Variants in EGFR observed in about 807,000 individuals in gnomAD.
EGFR encodes epidermal growth factor receptor, also known as avian erythroblastic leukemia viral (v-erb-b) oncogene homolog.
In EGFR, 58 loss-of-function variants were observed where a neutral mutation model predicts 143.0. That is an observed-to-expected ratio of 0.41 (90% CI 0.33 to 0.50). EGFR has a LOEUF of 0.50. EGFR is among the 20% of genes least tolerant of loss of function. The probability of loss-of-function intolerance (pLI) is 0.39; values close to 1 mark genes in which losing one functional copy is unlikely to be tolerated. For missense variants in EGFR, 1,307 were observed against 1,579.0 expected (o/e 0.83, Z 2.92); for synonymous variants, 613 against 594.4 (o/e 1.03, Z -0.45).
rs115398861 is a variant in EGFR at position 55,099,352 on chromosome 7, T to G, written c.89-42934T>G. On this transcript the variant is annotated intron_variant, in intron 1 of 27. Transcript: ENST00000275493. ...TATTTTAGACCATGAGATGGGTGAGTTTTTCTTTTTAATGCCACATTCTTT... is the reference window on the plus strand; with the variant it reads ...TATTTTAGACCATGAGATGGGTGAGGTTTTCTTTTTAATGCCACATTCTTT... 8.0e-3 allele frequency among the ~76,000 whole-genome samples: 1,214 copies of G among 152,034 alleles called. 21 individuals carry two copies. Among genetic ancestry groups the G allele is most frequent in the African/African-American group, 0.027 (1,108 of 41,460 alleles).
chr7:55,079,458 C>G (rs2128889037), intron 1 of EGFR, among the ~76,000 whole-genome samples: 1 of 152,316 alleles, frequency 6.6e-6, no homozygotes, highest in African/African-American at 2.4e-5. Context: ...TTTGTTTCTC[C>G]CAAATACGTG....
Position 55,192,803 on chromosome 7 carries a change from A to G in EGFR, c.2663A>G (p.His888Arg), listed in dbSNP as rs748000023. 2 of 1,614,216 alleles carry G rather than the reference A, an allele frequency of 1.2e-6. No individual in the cohort carries two copies. Among genetic ancestry groups the G allele is most frequent in the South Asian group, 1.1e-5 (1 of 91,082 alleles). Residue 888 changes from histidine to arginine, a missense_variant, in exon 22 of 28, where the codon CAC (histidine) becomes CGC (arginine). Physicochemically the swap from His to Arg is conservative, Grantham distance 29. Coordinates refer to ENST00000275493, the MANE Select transcript of EGFR (RefSeq NM_005228.5). ...IKWMALESIL[H>R]RIYTHQSDVW... ...TGGATGGCATTGGAATCAATTTTAC[A>G]CAGAATCTATACCCACCAGAGTGAT...
At chr7:55,058,791 A>G (rs1788989546) in intron 1 of EGFR, among the ~76,000 whole-genome samples, 1 of 152,196 alleles carries the variant, frequency 6.6e-6, no homozygotes, top group African/African-American at 2.4e-5. Flanking sequence ...CTATGACACA[A>G]GTTTACCTGT....
intron 26 of EGFR, 31 bp from the exon 27 acceptor site, chr7:55,202,486 C>G (rs201383738): frequency 1.9e-6 from 3 of 1,557,418 alleles, no homozygotes; most frequent in Non-Finnish European, 1.8e-6. Flanking sequence ...CAGCCCTGAC[C>G]GGAGTAACCT....
chr7:55,086,731 G>T (rs111773634), intron 1 of EGFR, among the ~76,000 whole-genome samples: 2 of 152,332 alleles, frequency 1.3e-5, no homozygotes, highest in African/African-American at 4.8e-5. Context: ...GCTGTGATGT[G>T]GCGGCAGCTG....
chr7:55,172,912 G>A (rs747870831), intron 16 of EGFR, 71 bp from the exon 17 acceptor site: 12 of 1,613,366 alleles, frequency 7.4e-6, no homozygotes, highest in African/African-American at 1.3e-5. Flanking sequence ...ACATGCAGGG[G>A]CGTGTTGAGT....
rs562228396 is a variant in EGFR at position 55,107,240 on chromosome 7, T to C, written c.89-35046T>C. The stretch of plus-strand genomic sequence containing the variant: ...TTGCCTTCTTTCCCTCCCCAGTTTT[T>C]TTCTTCCTGATAGTAGGTGTGTACT... On this transcript the variant is annotated intron_variant, in intron 1 of 27. Coordinates refer to ENST00000275493, the MANE Select transcript of EGFR (RefSeq NM_005228.5). 9.2e-5 allele frequency among the ~76,000 whole-genome samples: 14 copies of C among 152,334 alleles called. No individual in the cohort carries two copies. The South Asian group carries it at 2.7e-3, about 29-fold the overall frequency.
At position 55,163,805 on chromosome 7, in the gene EGFR, C is replaced by A. The variant is rs1228970909; in HGVS notation, c.1704C>A (p.Asn568Lys). The change falls in exon 14 of 28, where the codon AAC (asparagine) becomes AAA (lysine). Residue 568 changes from asparagine (N) to lysine (K), a missense_variant. By Grantham distance (94) the Asn-to-Lys change is moderately conservative. Coordinates refer to ENST00000275493, the MANE Select transcript of EGFR (RefSeq NM_005228.5). ...CHPECLPQAM[N>K]ITCTGRGPDN... is the part of the protein sequence containing the mutation. ...CAGAGTGCCTGCCTCAGGCCATGAA[C>A]ATCACCTGCACAGGACGGGTAAGAG... 6.2e-7 allele frequency: 1 copy of A among 1,614,130 alleles called. No homozygotes were observed. The highest frequency in any genetic ancestry group is 8.5e-7 in the Non-Finnish European group (1 of 1,180,046).
intron 1 of EGFR, among the ~76,000 whole-genome samples, chr7:55,053,585 T>G (rs1268988012): frequency 6.6e-6 from 1 of 152,240 alleles, no homozygotes; most frequent in East Asian, 1.9e-4. Flanking sequence ...GCCTGTTTCA[T>G]GAGAGCTGAG....
intron 19 of EGFR, among the ~76,000 whole-genome samples, chr7:55,176,182 C>G (rs1262738990): frequency 2.0e-5 from 3 of 152,114 alleles, no homozygotes. Context: ...TTTATTCATT[C>G]AACACATTCT....
intron 19 of EGFR, chr7:55,180,539 C>A (rs1413872827): frequency 6.5e-6 from 1 of 152,730 alleles, no homozygotes; most frequent in Non-Finnish European, 1.5e-5. Flanking sequence ...CCTGGGGGCA[C>A]AGCACAGAGA....
At chr7:55,038,118 G>T (rs148632691) in intron 1 of EGFR, among the ~76,000 whole-genome samples, 3 of 152,182 alleles carry the variant, frequency 2.0e-5, no homozygotes, top group Non-Finnish European at 4.4e-5. Flanking sequence ...TAGGAAAGCG[G>T]GGGGGTGGAG....
intron 1 of EGFR, among the ~76,000 whole-genome samples, chr7:55,085,431 G>A (rs1225039055): frequency 2.6e-5 from 4 of 152,236 alleles, no homozygotes; most frequent in Admixed American, 2.0e-4. Flanking sequence ...AGAGAGCAGG[G>A]TGGGCGTCAG....
intron 2 of EGFR, among the ~76,000 whole-genome samples, 156 bp downstream of exon 2, chr7:55,142,593 ACCAG>A (rs1251264228): frequency 6.6e-6 from 1 of 152,236 alleles, no homozygotes; most frequent in African/African-American, 2.4e-5. Flanking sequence ...AAGCCATTTT[ACCAG>A]CTAATGTCAA....
chr7:55,117,124 C>T (rs1792905562), intron 1 of EGFR, among the ~76,000 whole-genome samples: 1 of 152,240 alleles, frequency 6.6e-6, no homozygotes, highest in African/African-American at 2.4e-5. Context: ...TAGAAAACAT[C>T]TCCTAATTGC....
At chr7:55,053,686 A>G (rs1788619320) in intron 1 of EGFR, among the ~76,000 whole-genome samples, 1 of 152,242 alleles carries the variant, frequency 6.6e-6, no homozygotes, top group Non-Finnish European at 1.5e-5. Context: ...AGGCTGGTGA[A>G]TCCGAGGCTT....
Position 55,206,299 on chromosome 7 carries a change from C to G in EGFR, c.*682C>G, listed in dbSNP as rs372331538. The G allele has an allele frequency of 4.3e-6, 1 of 235,094 alleles. No individual in the cohort carries two copies. The highest frequency in any genetic ancestry group is 6.0e-5 in the East Asian group (1 of 16,620). The allele number at this position is 235,094 out of a possible 1,614,324, so 14.6% of individuals were successfully genotyped here. On this transcript the variant is annotated 3_prime_UTR_variant, in exon 28 of 28. Coordinates refer to ENST00000275493, the MANE Select transcript of EGFR (RefSeq NM_005228.5). ...CTTTTGTAAAAATGTCCCCACGGTA[C>G]TTACTCCCCACTGATGGACCAGTGG...
chr7:55,111,157 G>A (rs1792463695), intron 1 of EGFR, among the ~76,000 whole-genome samples: 1 of 152,158 alleles, frequency 6.6e-6, no homozygotes, highest in African/African-American at 2.4e-5. Context: ...ATCGCGCGGT[G>A]TGTGCTCTCT....
rs1385944787 is a variant in EGFR at position 55,211,303 on chromosome 7, G to A, written c.*5686G>A. ...ATCTTGCTGTACAATACAATCTCTT[G>A]GAAATTAAGAGATCCTATGGATTTG... is the stretch of plus-strand genomic sequence containing the variant. On this transcript the variant is annotated 3_prime_UTR_variant, in exon 28 of 28. Coordinates refer to ENST00000275493, the MANE Select transcript of EGFR (RefSeq NM_005228.5). The A allele has an allele frequency of 1.3e-5, 2 of 152,162 alleles. No individual in the cohort carries two copies. Among genetic ancestry groups the A allele is most frequent in the Non-Finnish European group, 2.9e-5 (2 of 68,030 alleles). 9.4% of individuals were successfully genotyped at this position (152,162 alleles called of 1,614,324 possible).
Sources: gnomAD v4.1 joint callset for allele counts (sites outside exome capture counted in the v4.1 genomes callset) on GRCh38, gnomAD v4.1.1 for gene constraint, MANE v1.5 for transcripts, NCBI Gene and HGNC (gene_info 2026-07-23, HGNC 2026-07-21) for gene names.